Variants in ACAP2 observed in about 807,000 individuals in gnomAD.
The protein encoded by ACAP2 is arf-GAP with coiled-coil, ANK repeat and PH domain-containing protein 2.
ACAP2 carries 39 observed loss-of-function variants against 115.8 expected under a neutral mutation model. That is an observed-to-expected ratio of 0.34 (90% confidence interval 0.26 to 0.44). The LOEUF (loss-of-function observed/expected upper bound fraction) is 0.44. Among genes scored for constraint, ACAP2 ranks in the 20% least tolerant of loss-of-function variants. The pLI is 1.00. For missense variants in ACAP2, 662 were observed against 927.6 expected, an observed-to-expected ratio of 0.71 and a Z score of 3.72; for synonymous variants, 289 against 315.8, an observed-to-expected ratio of 0.92 and a Z score of 0.90.
At chr3:195,293,528 T>A (rs1727408162) in intron 18 of ACAP2, among the ~76,000 whole-genome samples, 1 of 152,220 alleles carries the variant, frequency 6.6e-6, no homozygotes. Context: ...TTTTAGCACA[T>A]ACCATTAGGC....
chr3:195,409,367 G>A (rs58178384), intron 1 of ACAP2, among the ~76,000 whole-genome samples: 42,044 of 151,480 alleles, frequency 0.28, 6,583 homozygotes, highest in East Asian at 0.71. Context: ...AAAACACTTA[G>A]AAAATCACTT....
chr3:195,313,658 G>T lies in ACAP2; in HGVS notation c.858-4821C>A, dbSNP rs908939089. On this transcript the variant is annotated intron_variant, in intron 10 of 22. Transcript: ENST00000326793. Reference sequence around the variant, plus strand: ...ATACCAGCAGCATACAGAACATTTTGCTTTAAAATCCTGTGTAGTACCTTC... The same window carrying T: ...ATACCAGCAGCATACAGAACATTTTTCTTTAAAATCCTGTGTAGTACCTTC... Among the ~76,000 whole-genome samples the T allele has an allele frequency of 1.3e-5, 2 of 152,030 alleles. 1 individual carries two copies. Among genetic ancestry groups the T allele is most frequent in the Admixed American group, 1.3e-4 (2 of 15,272 alleles).
At chr3:195,393,936 TG>T in intron 1 of ACAP2, among the ~76,000 whole-genome samples, 2 of 151,614 alleles carry the variant, frequency 1.3e-5, no homozygotes, top group South Asian at 4.2e-4. Context: ...GAGCTCAATT[TG>T]GGAGCATATT....
intron 1 of ACAP2, among the ~76,000 whole-genome samples, chr3:195,426,653 C>T (rs1332884921): frequency 6.6e-6 from 1 of 152,032 alleles, no homozygotes; most frequent in Non-Finnish European, 1.5e-5. Context: ...TTTCTCACTA[C>T]GGCAACTGAG....
At chr3:195,387,099 C>A (rs138752382) in intron 2 of ACAP2, among the ~76,000 whole-genome samples, 1 of 151,984 alleles carries the variant, frequency 6.6e-6, no homozygotes, top group Admixed American at 6.6e-5. Context: ...GGAGGAAGGA[C>A]GGACTTGGCA....
intron 2 of ACAP2, among the ~76,000 whole-genome samples, chr3:195,385,296 T>C (rs766866624): frequency 5.3e-5 from 8 of 150,816 alleles, no homozygotes; most frequent in African/African-American, 1.2e-4. Flanking sequence ...CACATGGTAA[T>C]TATTCAATAG....
At chr3:195,324,204 C>A (rs572274495) in intron 9 of ACAP2, among the ~76,000 whole-genome samples, 2 of 152,188 alleles carry the variant, frequency 1.3e-5, no homozygotes, top group African/African-American at 4.8e-5. Context: ...GCCCATTAGT[C>A]ACTAAAGAAG....
intron 15 of ACAP2, among the ~76,000 whole-genome samples, chr3:195,300,048 T>C (rs111568109): frequency 1.2e-4 from 4 of 33,234 alleles, no homozygotes; most frequent in Non-Finnish European, 2.8e-4. Flanking sequence ...TTTTTTCTTT[T>C]TTTTTTTTTT....
rs1715529780 is a variant in ACAP2 at position 195,436,151 on chromosome 3, CAA to C, written c.53+6642_53+6643del. Among the ~76,000 whole-genome samples, 13 of 144,900 alleles carry C rather than the reference CAA, an allele frequency of 9.0e-5. No homozygotes were observed. The South Asian group carries it at 2.6e-3, about 29-fold the overall frequency. On this transcript the variant is annotated intron_variant, in intron 1 of 22. Transcript: ENST00000326793. ...TATATATATTTTTTTTTTTTGGAGACAAAGTCCCACTGTCACCCAGGCTGGAG... is the reference window on the plus strand; with the variant it reads ...TATATATATTTTTTTTTTTTGGAGACAGTCCCACTGTCACCCAGGCTGGAG...
intron 9 of ACAP2, chr3:195,325,569 T>C: frequency 2.6e-6 from 1 of 383,456 alleles, no homozygotes; most frequent in South Asian, 2.0e-5. Flanking sequence ...AATAAATTAT[T>C]CTTAGAGTTA....
chr3:195,360,842 G>A (rs1732307708), intron 4 of ACAP2, among the ~76,000 whole-genome samples: 1 of 151,458 alleles, frequency 6.6e-6, no homozygotes. Flanking sequence ...AAAAAAATCT[G>A]TACTATAGAC....
chr3:195,366,278 G>A (rs1206723342), intron 4 of ACAP2, among the ~76,000 whole-genome samples: 2 of 152,222 alleles, frequency 1.3e-5, no homozygotes, highest in Non-Finnish European at 2.9e-5. Flanking sequence ...TCTTGTTGAA[G>A]AAACATAGGC....
At chr3:195,333,285 T>C (rs1013221274) in intron 7 of ACAP2, among the ~76,000 whole-genome samples, 162 bp from the exon 8 acceptor site, 3 of 152,234 alleles carry the variant, frequency 2.0e-5, no homozygotes, top group Non-Finnish European at 4.4e-5. Context: ...CACTGCAACC[T>C]GGACCTCCCA....
At chr3:195,315,926 T>C (rs943837607) in intron 10 of ACAP2, among the ~76,000 whole-genome samples, 7 of 152,204 alleles carry the variant, frequency 4.6e-5, no homozygotes, top group African/African-American at 7.2e-5. Flanking sequence ...TTCCTTCTAT[T>C]GTCCTAAATG....
intron 4 of ACAP2, among the ~76,000 whole-genome samples, chr3:195,370,923 G>C (rs931866431): frequency 1.4e-5 from 2 of 146,080 alleles, no homozygotes; most frequent in Non-Finnish European, 3.0e-5. Context: ...TTGCACTCCA[G>C]TCTGGGCAGC....
chr3:195,345,493 C>G (rs146085195), intron 4 of ACAP2, among the ~76,000 whole-genome samples, 176 bp from the exon 5 acceptor site: 16 of 152,222 alleles, frequency 1.1e-4, no homozygotes, highest in African/African-American at 3.1e-4. Context: ...CAGATTAAGC[C>G]AATTTCATCT....
intron 4 of ACAP2, among the ~76,000 whole-genome samples, chr3:195,372,073 A>C (rs1733188053): frequency 1.3e-5 from 2 of 152,254 alleles, no homozygotes; most frequent in African/African-American, 4.8e-5. Context: ...ACACAAAATA[A>C]GACACAAAGT....
At chr3:195,409,430 G>A (rs1560340469) in intron 1 of ACAP2, among the ~76,000 whole-genome samples, 1 of 147,488 alleles carries the variant, frequency 6.8e-6, no homozygotes. Context: ...ATTCCTGGGG[G>A]AAAAAAAAAA....
rs367975995 is a variant in ACAP2 at position 195,306,574 on chromosome 3, T to C, written c.1053A>G (p.Ala351=). The C allele has an allele frequency of 3.0e-5, 48 of 1,613,174 alleles. 3 individuals carry two copies. In the South Asian group the frequency reaches 3.5e-4, roughly 12 times the overall value. Residue 351 remains alanine, a synonymous_variant, in exon 13 of 23, where the codon GCA becomes GCG. Transcript: ENST00000326793. ...TACTGGTCTGAACAGCCTTAATCCA[T>C]GCCTGGCGCAGCTTTTCGGAATCTG... ...LQADSEKLRQ[A]WIKAVQTSIA... is the part of the protein sequence containing the mutation.
Sources: allele counts gnomAD v4.1 joint callset (sites outside exome capture counted in the v4.1 genomes callset), GRCh38; gene constraint gnomAD v4.1.1; transcripts MANE v1.5; gene names NCBI Gene and HGNC (gene_info 2026-07-23, HGNC 2026-07-21).